The following G3BP1 variants were observed in gnomAD, a reference collection of about 807,000 sequenced individuals.
The protein encoded by G3BP1 is G3BP stress granule assembly factor 1.
Under a neutral mutation model 58.6 loss-of-function variants are expected in G3BP1, and 35 were observed. That is an observed-to-expected ratio of 0.60 (90% CI 0.46 to 0.79). The LOEUF (loss-of-function observed/expected upper bound fraction) is 0.79, where lower values mean the gene tolerates loss of function less well. Among genes scored for constraint, G3BP1 ranks in the 30% least tolerant of loss-of-function variants. The pLI is 0.00. For synonymous variants in G3BP1, 191 were observed against 195.4 expected, an observed-to-expected ratio of 0.98 and a Z score of 0.19; for missense variants, 523 against 580.8, an observed-to-expected ratio of 0.90 and a Z score of 1.02.
intron 1 of G3BP1, among the ~76,000 whole-genome samples, chr5:151,775,280 T>C (rs1762347792): frequency 6.6e-6 from 1 of 152,226 alleles, no homozygotes; most frequent in South Asian, 2.1e-4. Flanking sequence ...CACATCTACT[T>C]AGTAGGGATG....
At chr5:151,801,819 A>ATT (rs570635661) in intron 11 of G3BP1, among the ~76,000 whole-genome samples, 18 of 145,854 alleles carry the variant, frequency 1.2e-4, no homozygotes, top group African/African-American at 4.5e-4. Flanking sequence ...TTATTTTTTT[A>ATT]TTTTTTTTTT....
chr5:151,801,593 G>T (rs189036082), intron 11 of G3BP1, among the ~76,000 whole-genome samples: 204 of 152,170 alleles, frequency 1.3e-3, no homozygotes, highest in African/African-American at 4.4e-3. Context: ...ACATTATTGT[G>T]CAACCATTAC....
At chr5:151,789,848 A>G (rs1347673635) in intron 2 of G3BP1, among the ~76,000 whole-genome samples, 2 of 152,174 alleles carry the variant, frequency 1.3e-5, no homozygotes, top group Non-Finnish European at 2.9e-5. Context: ...TAGGGGATAC[A>G]GAGATGATTG....
At chr5:151,787,456 C>T (rs969941329) in intron 2 of G3BP1, 1 of 152,132 alleles carries the variant, frequency 6.6e-6, no homozygotes, top group African/African-American at 2.4e-5. Context: ...ACCACAGAAA[C>T]AATTTTTCTA....
At chr5:151,791,426 A>T (rs1054429367) in intron 4 of G3BP1, 3 of 175,564 alleles carry the variant, frequency 1.7e-5, no homozygotes, top group Admixed American at 5.5e-5. Context: ...CATGGAATCT[A>T]TAATTACACA....
At chr5:151,800,425 A>G (rs1762831047) in intron 10 of G3BP1, 79 bp downstream of exon 10, 7 of 989,146 alleles carry the variant, frequency 7.1e-6, no homozygotes, top group Admixed American at 2.6e-5. Flanking sequence ...AATGAGCCAC[A>G]TATGTAATTA....
At chr5:151,790,745 A>T in intron 3 of G3BP1, 144 bp from the exon 4 acceptor site, 1 of 588,326 alleles carries the variant, frequency 1.7e-6, no homozygotes, top group South Asian at 2.5e-5. Flanking sequence ...TATACAAAGA[A>T]ACATCAAAAT....
intron 4 of G3BP1, chr5:151,791,660 T>G (rs998028465): frequency 1.3e-5 from 2 of 157,458 alleles, no homozygotes; most frequent in African/African-American, 4.8e-5. Context: ...CTTTTCTCTC[T>G]CTCTCTTTTT....
chr5:151,797,574 C>A, intron 7 of G3BP1, 146 bp downstream of exon 7: 3 of 853,814 alleles, frequency 3.5e-6, no homozygotes, highest in Admixed American at 2.9e-5. Context: ...GATATTGAGC[C>A]ATATGTTTGA....
Position 151,803,970 on chromosome 5 carries a change from G to A in G3BP1, c.1280G>A (p.Arg427His), listed in dbSNP as rs1349252853. ...AAREGDRRDN[R>H]LRGPGGPRGG... ...AGGGAAGGCGACCGACGAGATAATCGCCTTCGGGGACCTGGAGGCCCTCGA... is the reference window on the plus strand; with the variant it reads ...AGGGAAGGCGACCGACGAGATAATCACCTTCGGGGACCTGGAGGCCCTCGA... The change falls in exon 12 of 12, where the codon CGC becomes CAC. Residue 427 changes from arginine (R) to histidine (H), a missense_variant. Arg to His is a conservative substitution (Grantham distance 29). This residue lies in a region of G3BP1 where 125 missense variants were observed against 181.7 expected (regional missense o/e 0.69). Coordinates refer to ENST00000356245, the MANE Select transcript of G3BP1 (RefSeq NM_005754.3). 3.7e-6 allele frequency: 6 copies of A among 1,613,630 alleles called. No individual in the cohort carries two copies. The highest frequency in any genetic ancestry group is 1.1e-5 in the South Asian group (1 of 91,054).
chr5:151,802,171 T>C (rs142724148), intron 11 of G3BP1, among the ~76,000 whole-genome samples: 6 of 152,330 alleles, frequency 3.9e-5, no homozygotes, highest in Non-Finnish European at 8.8e-5. Context: ...TATGCAAATA[T>C]ACATTATCTT....
In G3BP1 at chr5:151,804,136, A is replaced by G. The variant is rs755078540; in HGVS notation, c.*45A>G. ...CAGCCATACAAACCCTGGTTCCAAC[A>G]GAATGGTGAATTTTCGACAGCCTTT... On this transcript the variant is annotated 3_prime_UTR_variant, in exon 12 of 12. Coordinates refer to ENST00000356245, the MANE Select transcript of G3BP1 (RefSeq NM_005754.3). 7.2e-7 allele frequency: 1 copy of G among 1,390,962 alleles called. No homozygotes were observed. Among genetic ancestry groups the G allele is most frequent in the Non-Finnish European group, 9.9e-7 (1 of 1,008,746 alleles). The allele number at this position is 1,390,962 out of a possible 1,614,324, so 86.2% of individuals were successfully genotyped here. A position where few individuals can be genotyped will look rare whatever the true frequency, so the allele number is the denominator to read the frequency against.
intron 4 of G3BP1, among the ~76,000 whole-genome samples, chr5:151,792,431 A>G (rs1297961789): frequency 6.6e-6 from 1 of 152,242 alleles, no homozygotes; most frequent in Non-Finnish European, 1.5e-5. Flanking sequence ...ATTAAAATGT[A>G]AAGATGTGGT....
chr5:151,795,312 A>C (rs962566070), intron 5 of G3BP1, among the ~76,000 whole-genome samples, 167 bp from the exon 6 acceptor site: 3 of 152,212 alleles, frequency 2.0e-5, no homozygotes, highest in African/African-American at 7.2e-5. Flanking sequence ...CTGTTCTTCA[A>C]AGCCTTAGTT....
intron 1 of G3BP1, among the ~76,000 whole-genome samples, chr5:151,778,030 TTTTTGACTG>T (rs1762402456): frequency 6.6e-6 from 1 of 152,230 alleles, no homozygotes; most frequent in African/African-American, 2.4e-5. Flanking sequence ...TGTTTCCAGC[TTTTTGACTG>T]TTACAAATAA....
chr5:151,808,541 CTTATT>C lies in G3BP1; in HGVS notation c.*4454_*4458del, dbSNP rs1226590852. The C allele has an allele frequency of 6.6e-6, 1 of 152,290 alleles. No individual in the cohort carries two copies. The highest frequency in any genetic ancestry group is 1.9e-4 in the East Asian group (1 of 5,184). 9.4% of individuals were successfully genotyped at this position (152,290 alleles called of 1,614,324 possible). On this transcript the variant is annotated 3_prime_UTR_variant, in exon 12 of 12. Transcript: ENST00000356245. Reference sequence around the variant, plus strand: ...CACAGTTTCTACTTGAACCTAGTAGCTTATTTTAATTCCCTGTAAGAGGAAAATAA... The same window carrying C: ...CACAGTTTCTACTTGAACCTAGTAGCTTAATTCCCTGTAAGAGGAAAATAA...
intron 9 of G3BP1, 38 bp from the exon 10 acceptor site, chr5:151,800,180 T>A (rs1762827437): frequency 6.2e-7 from 1 of 1,603,374 alleles, no homozygotes; most frequent in Admixed American, 1.7e-5. Context: ...ATGTCTTCTT[T>A]CTCTTGTCTT....
chr5:151,801,711 T>A (rs531080333), intron 11 of G3BP1, among the ~76,000 whole-genome samples: 2 of 152,306 alleles, frequency 1.3e-5, no homozygotes, highest in Admixed American at 1.3e-4. Context: ...CTGCTTTCTG[T>A]CCCTATGAAT....
chr5:151,778,773 T>C (rs1350041305), intron 1 of G3BP1, among the ~76,000 whole-genome samples: 1 of 148,114 alleles, frequency 6.8e-6, no homozygotes, highest in African/African-American at 2.5e-5. Context: ...ATTAGAGATA[T>C]GGGTCAGGCG....
Sources: allele counts gnomAD v4.1 joint callset (sites outside exome capture counted in the v4.1 genomes callset), GRCh38; gene constraint gnomAD v4.1.1; regional missense constraint gnomAD v4.1.1; transcripts MANE v1.5; gene names NCBI Gene and HGNC (gene_info 2026-07-23, HGNC 2026-07-21).